Variants in PDE4DIP observed in about 807,000 individuals in gnomAD.
The protein encoded by PDE4DIP is myomegalin.
A neutral mutation model predicts 221.4 loss-of-function variants in PDE4DIP; 59 were observed. The ratio of observed to expected loss-of-function variants is 0.27; its 90% CI spans 0.22 to 0.33. The LOEUF (loss-of-function observed/expected upper bound fraction) is 0.33. Ranked by LOEUF, PDE4DIP falls within the 10% of genes least tolerant of loss-of-function variation. The pLI, the probability that PDE4DIP is intolerant of heterozygous loss-of-function variation, is 1.00. For synonymous variants in PDE4DIP, 404 were observed against 815.9 expected, an observed-to-expected ratio of 0.50 and a Z score of 8.60; for missense variants, 1,036 against 2,154.2, an observed-to-expected ratio of 0.48 and a Z score of 10.28.
exon 27 of PDE4DIP, chr1:149,005,276 G>A: frequency 6.3e-7 from 1 of 1,599,718 alleles, no homozygotes; most frequent in Non-Finnish European, 8.6e-7. Flanking sequence ...AGGATGAGGG[G>A]TGGCTGTCTG....
rs138880446 is a variant in PDE4DIP at position 148,952,921 on chromosome 1, C to T, written c.637-7733C>T. 2.1e-5 allele frequency: 34 copies of T among 1,586,478 alleles called. No homozygotes were observed. In the African/African-American group the frequency reaches 4.2e-4, roughly 20 times the overall value. Reference sequence around the variant, plus strand: ...AGGATGTCCCCCGCGATGGCAAAGCCGAGTTCGCTTGCAGCAAGTGTGCTT... The same window carrying T: ...AGGATGTCCCCCGCGATGGCAAAGCTGAGTTCGCTTGCAGCAAGTGTGCTT... On this transcript the variant is annotated intron_variant, in intron 5 of 43. Coordinates refer to ENST00000369354, the Ensembl canonical transcript of PDE4DIP.
At chr1:148,978,220 C>T (rs1465217312) in intron 18 of PDE4DIP, 58 bp from the exon 22 acceptor site, 4 of 1,450,510 alleles carry the variant, frequency 2.8e-6, no homozygotes. Flanking sequence ...CCGTGCTACT[C>T]TGCTGAATAA....
chr1:148,927,026 A>G (rs1203568825), intron 1 of PDE4DIP, among the ~76,000 whole-genome samples: 36 of 149,306 alleles, frequency 2.4e-4, no homozygotes, highest in Non-Finnish European at 4.5e-4. Context: ...AATTTCAGAT[A>G]AACAACAAAC....
At chr1:148,962,347 G>A in intron 8 of PDE4DIP, 59 bp downstream of exon 11, 1 of 1,501,614 alleles carries the variant, frequency 6.7e-7, no homozygotes, top group Non-Finnish European at 9.3e-7. Context: ...CATTTTGGTT[G>A]CAGTCTTGAT....
chr1:149,019,642 G>C (rs1699811), intron 35 of PDE4DIP: 3 of 152,794 alleles, frequency 2.0e-5, no homozygotes, highest in Non-Finnish European at 2.9e-5. Context: ...ATTTAAACGA[G>C]TACAATTTGC....
At chr1:148,893,214 A>T (rs1778596) in intron 1 of PDE4DIP, among the ~76,000 whole-genome samples, 467 of 120,324 alleles carry the variant, frequency 3.9e-3, no homozygotes, top group East Asian at 0.031. Flanking sequence ...GGCCTCCTAA[A>T]TTGCTGGGAT....
intron 5 of PDE4DIP, among the ~76,000 whole-genome samples, chr1:148,939,478 C>CCA (rs1489615636): frequency 2.0e-5 from 3 of 148,642 alleles, no homozygotes; most frequent in African/African-American, 7.4e-5. Flanking sequence ...GGTGCTTAGG[C>CCA]CACTATGAGG....
At chr1:148,958,168 C>CT (rs1268433290) in intron 5 of PDE4DIP, among the ~76,000 whole-genome samples, 2 of 132,806 alleles carry the variant, frequency 1.5e-5, no homozygotes, top group Non-Finnish European at 3.3e-5. Flanking sequence ...ATCCTTGCTG[C>CT]TTTTTTCCCT....
chr1:148,827,627 A>G, intron 1 of PDE4DIP, among the ~76,000 whole-genome samples: 1 of 112,254 alleles, frequency 8.9e-6, no homozygotes, highest in South Asian at 3.6e-4. Context: ...CACATTAAAT[A>G]TTTAGGGGTG....
chr1:148,866,694 T>A (rs11300211), intron 2 of PDE4DIP, among the ~76,000 whole-genome samples: 12,485 of 30,488 alleles, frequency 0.41, 2,233 homozygotes, highest in African/African-American at 0.68. Context: ...AGAGAAAAAA[T>A]AAAGAAAGAG....
chr1:148,973,320 C>A (rs1227967730), intron 16 of PDE4DIP, among the ~76,000 whole-genome samples: 1 of 151,416 alleles, frequency 6.6e-6, no homozygotes, highest in Non-Finnish European at 1.5e-5. Flanking sequence ...TTAGTAGAGA[C>A]GGGGTTTCAC....
At chr1:149,005,944 C>T (rs587648826) in intron 27 of PDE4DIP, among the ~76,000 whole-genome samples, 14 of 151,952 alleles carry the variant, frequency 9.2e-5, no homozygotes, top group Non-Finnish European at 2.1e-4. Context: ...ACCAGCCTAC[C>T]CAACACGGTG....
intron 4 of PDE4DIP, among the ~76,000 whole-genome samples, chr1:148,934,746 G>A (rs1293392257): frequency 6.6e-6 from 1 of 151,908 alleles, no homozygotes; most frequent in Non-Finnish European, 1.5e-5. Flanking sequence ...TGGGATTACA[G>A]GCGTGCACCA....
At position 148,915,338 on chromosome 1, in the gene PDE4DIP, C is replaced by A. The variant is rs2798897; in HGVS notation, c.142-13859C>A. Among the ~76,000 whole-genome samples the A allele has an allele frequency of 2.0e-5, 3 of 152,398 alleles. No homozygotes were observed. The South Asian group carries it at 6.2e-4, about 32-fold the overall frequency. ...AATTTTTTTGTATCTTTAGTAGAGACGGGGTTTCACCATGTTGACCAAGCT... is the reference window on the plus strand; with the variant it reads ...AATTTTTTTGTATCTTTAGTAGAGAAGGGGTTTCACCATGTTGACCAAGCT... On this transcript the variant is annotated intron_variant, in intron 1 of 43. Coordinates refer to ENST00000369354, the Ensembl canonical transcript of PDE4DIP.
chr1:148,962,193 C>T lies in PDE4DIP; in HGVS notation c.889-3C>T. The T allele has an allele frequency of 2.6e-6, 2 of 783,976 alleles. No individual in the cohort carries two copies. The highest frequency in any genetic ancestry group is 1.7e-5 in the African/African-American group (1 of 58,018). 48.6% of individuals were successfully genotyped at this position (783,976 alleles called of 1,614,324 possible). A position where few individuals can be genotyped will look rare whatever the true frequency, so the allele number is the denominator to read the frequency against. On this transcript the variant is annotated splice_polypyrimidine_tract_variant and splice_region_variant and intron_variant, in intron 7 of 43. Coordinates refer to ENST00000369354, the Ensembl canonical transcript of PDE4DIP. ...TATTTGATATTCCCTCTCTCATTTT[C>T]AGACTGAGGAGTTGTACCAGGTAAT...
intron 1 of PDE4DIP, among the ~76,000 whole-genome samples, chr1:148,821,467 A>G (rs587657775): frequency 6.6e-6 from 1 of 150,772 alleles, no homozygotes; most frequent in Admixed American, 6.6e-5. Context: ...ACAAATAAAT[A>G]AATATACAAA....
chr1:148,957,966 G>T (rs587747222), intron 5 of PDE4DIP, among the ~76,000 whole-genome samples: 1 of 142,986 alleles, frequency 7.0e-6, no homozygotes, highest in East Asian at 2.0e-4. Context: ...GAAGAAGTAA[G>T]AAGCCAAATT....
intron 5 of PDE4DIP, among the ~76,000 whole-genome samples, chr1:148,958,852 A>G (rs2500350): frequency 0.29 from 43,976 of 151,852 alleles, 6,495 homozygotes; most frequent in East Asian, 0.42. Flanking sequence ...TAAAAATTAC[A>G]TACATGGCTC....
chr1:148,917,260 G>A (rs1186031001), intron 1 of PDE4DIP, among the ~76,000 whole-genome samples: 1 of 151,622 alleles, frequency 6.6e-6, no homozygotes, highest in African/African-American at 2.4e-5. Context: ...ATGACACACT[G>A]AGAAGGGTTT....
Sources: gnomAD v4.1 joint callset for allele counts (sites outside exome capture counted in the v4.1 genomes callset) on GRCh38, gnomAD v4.1.1 for gene constraint, MANE v1.5 for transcripts, NCBI Gene and HGNC (gene_info 2026-07-23, HGNC 2026-07-21) for gene names.